Variants in CYP2U1 observed in about 807,000 individuals in gnomAD.
CYP2U1 encodes the protein cytochrome P450 family 2 subfamily U member 1.
A neutral mutation model predicts 42.8 loss-of-function variants in CYP2U1; 28 were observed. The observed-to-expected ratio is 0.65, with a 90% confidence interval of 0.48 to 0.90. The LOEUF (loss-of-function observed/expected upper bound fraction) is 0.90, where lower values mean the gene tolerates loss of function less well. Among genes scored for constraint, CYP2U1 ranks in the 40% least tolerant of loss-of-function variants. CYP2U1 has a pLI of 0.00. For missense variants in CYP2U1, 642 were observed against 693.8 expected, an observed-to-expected ratio of 0.93 and a Z score of 0.84; for synonymous variants, 296 against 278.9, an observed-to-expected ratio of 1.06 and a Z score of -0.61.
Position 107,952,292 on chromosome 4 carries a change from T to C in CYP2U1, c.*1869T>C, listed in dbSNP as rs1368029644. ...TAAAAAAATCACTGGACTTTTGTGT[T>C]TACCATTTAAAACAACCATTTTAAA... On this transcript the variant is annotated 3_prime_UTR_variant, in exon 5 of 5. Transcript: ENST00000332884. 2.0e-5 allele frequency: 3 copies of C among 152,234 alleles called. No homozygotes were observed. Among genetic ancestry groups the C allele is most frequent in the African/African-American group, 7.2e-5 (3 of 41,462 alleles). The allele number at this position is 152,234 out of a possible 1,614,324, so 9.4% of individuals were successfully genotyped here.
intron 1 of CYP2U1, among the ~76,000 whole-genome samples, chr4:107,943,375 C>A (rs1171969030): frequency 1.3e-5 from 2 of 152,180 alleles, no homozygotes; most frequent in African/African-American, 4.8e-5. Context: ...CTGAGGAAGT[C>A]CAATGGTAAA....
At chr4:107,933,537 A>C (rs1035938541) in intron 1 of CYP2U1, among the ~76,000 whole-genome samples, 2 of 152,156 alleles carry the variant, frequency 1.3e-5, no homozygotes, top group African/African-American at 2.4e-5. Context: ...AAATCCTTAG[A>C]TAATGTCTTA....
In CYP2U1 at chr4:107,932,074, C is replaced by G; in HGVS notation, c.431C>G (p.Ala144Gly). ...GTGCGCGAGGCGCTGGTGCAGCAGG[C>G]CGAGGTCTTCAGCGACCGCCCGCGG... is the stretch of plus-strand genomic sequence containing the variant. ...HSVREALVQQ[A>G]EVFSDRPRVP... Residue 144 changes from alanine to glycine, a missense_variant, in exon 1 of 5, where the codon GCC becomes GGC. Transcript: ENST00000332884. 6.3e-7 allele frequency: 1 copy of G among 1,594,018 alleles called. No homozygotes were observed. Among genetic ancestry groups the G allele is most frequent in the Non-Finnish European group, 8.5e-7 (1 of 1,171,224 alleles).
chr4:107,941,191 G>A (rs1203911788), intron 1 of CYP2U1: 1 of 151,960 alleles, frequency 6.6e-6, no homozygotes, highest in Non-Finnish European at 1.5e-5. Flanking sequence ...AAGCTTGAAT[G>A]TACCTAACAA....
chr4:107,949,366 C>A lies in CYP2U1; in HGVS notation c.1305C>A (p.Thr435=). The change falls in exon 4 of 5, where the codon ACC becomes ACA. Residue 435 remains threonine (T), a synonymous_variant. Transcript: ENST00000332884. ...TSENTVLQGY[T]IPKGTLILPN... ...TTGTTTTAGTGCTCCAAGGGTATAC[C>A]ATTCCTAAAGGCACATTGATCTTAC... 1.3e-6 allele frequency: 2 copies of A among 1,565,094 alleles called. No individual in the cohort carries two copies. Among genetic ancestry groups the A allele is most frequent in the South Asian group, 1.2e-5 (1 of 82,400 alleles).
At chr4:107,949,270 T>C (rs1733824149) in intron 3 of CYP2U1, 80 bp from the exon 4 acceptor site, 2 of 1,321,450 alleles carry the variant, frequency 1.5e-6, no homozygotes, top group Non-Finnish European at 2.0e-6. Flanking sequence ...AACTACATTT[T>C]TTTTTCAGAT....
intron 1 of CYP2U1, among the ~76,000 whole-genome samples, chr4:107,934,715 C>T (rs1733196797): frequency 6.6e-6 from 1 of 152,174 alleles, no homozygotes; most frequent in Non-Finnish European, 1.5e-5. Flanking sequence ...ACTCTAGACA[C>T]ACTAAGCTGA....
intron 1 of CYP2U1, chr4:107,937,356 G>A (rs2126193796): frequency 6.6e-6 from 1 of 152,264 alleles, no homozygotes; most frequent in South Asian, 2.1e-4. Context: ...CATTGAGACG[G>A]CCTGAATTCT....
rs1733930282 is a variant in CYP2U1, at chr4:107,952,078, G to A, written c.*1655G>A. Reference sequence around the variant, plus strand: ...AGGCTGAGCTCCTTGAGGTGAGGATGTTGTGCTGTTTGCCTCCCTCACAGT... The same window carrying A: ...AGGCTGAGCTCCTTGAGGTGAGGATATTGTGCTGTTTGCCTCCCTCACAGT... On this transcript the variant is annotated 3_prime_UTR_variant, in exon 5 of 5. Transcript: ENST00000332884. The A allele has an allele frequency of 6.6e-6, 1 of 152,312 alleles. No homozygotes were observed. The highest frequency in any genetic ancestry group is 2.1e-4 in the South Asian group (1 of 4,826). 9.4% of individuals were successfully genotyped at this position (152,312 alleles called of 1,614,324 possible).
At position 107,932,234 on chromosome 4, in the gene CYP2U1, C is replaced by T. The variant is rs1004097864; in HGVS notation, c.490+101C>T. 8 of 1,462,386 alleles carry T rather than the reference C, an allele frequency of 5.5e-6. No individual in the cohort carries two copies. The African/African-American group carries it at 9.8e-5, about 18-fold the overall frequency. The allele number at this position is 1,462,386 out of a possible 1,614,324, so 90.6% of individuals were successfully genotyped here. A position where few individuals can be genotyped will look rare whatever the true frequency, so the allele number is the denominator to read the frequency against. On this transcript the variant is annotated intron_variant, in intron 1 of 4. Transcript: ENST00000332884. ...TGTGCCCCTTCCGGCCGCCCGCGCC[C>T]CCAGGCTGCCTCACACCTGCATCCT...
At chr4:107,933,779 T>C (rs1733141461) in intron 1 of CYP2U1, among the ~76,000 whole-genome samples, 1 of 152,226 alleles carries the variant, frequency 6.6e-6, no homozygotes, top group South Asian at 2.1e-4. Context: ...TAATACCTAC[T>C]ACAATGTAAA....
chr4:107,932,139 C>T lies in CYP2U1; in HGVS notation c.490+6C>T, dbSNP rs147612190. 0.019 allele frequency: 31,155 copies of T among 1,600,114 alleles called. 354 individuals are homozygous for T. Among genetic ancestry groups the T allele is most frequent in the Middle Eastern group, 0.035 (207 of 5,966 alleles). Reference sequence around the variant, plus strand: ...CATCGTGACCAAGGAGAAGGGTGAGCGGGAGGTCGTGGGCTGTGGGTACGC... The same window carrying T: ...CATCGTGACCAAGGAGAAGGGTGAGTGGGAGGTCGTGGGCTGTGGGTACGC... On this transcript the variant is annotated splice_donor_region_variant and intron_variant, in intron 1 of 4. Coordinates refer to ENST00000332884, the MANE Select transcript of CYP2U1 (RefSeq NM_183075.3).
chr4:107,944,912 T>C, intron 1 of CYP2U1, 58 bp from the exon 2 acceptor site: 3 of 1,493,202 alleles, frequency 2.0e-6, no homozygotes, highest in Non-Finnish European at 2.7e-6. Flanking sequence ...GTGGTAGGTC[T>C]GTTCAGTGTT....
chr4:107,932,281 G>A, intron 1 of CYP2U1, 148 bp downstream of exon 1: 2 of 1,367,206 alleles, frequency 1.5e-6, no homozygotes, highest in Admixed American at 2.9e-5. Context: ...TGATGGTGGT[G>A]GCGGCGCTTC....
At chr4:107,943,711 A>G (rs1045724433) in intron 1 of CYP2U1, among the ~76,000 whole-genome samples, 2 of 152,230 alleles carry the variant, frequency 1.3e-5, no homozygotes, top group Admixed American at 6.5e-5. Flanking sequence ...ACATTAAAGA[A>G]TATGAGAAAA....
intron 1 of CYP2U1, chr4:107,936,297 A>G (rs2126192892): frequency 6.6e-6 from 1 of 152,390 alleles, no homozygotes; most frequent in Middle Eastern, 3.4e-3. Context: ...ATGTATTAGA[A>G]ACTTAATCCC....
Position 107,931,669 on chromosome 4 carries a change from C to A in CYP2U1, c.26C>A (p.Pro9Gln), listed in dbSNP as rs1310484872. MSSPGPSQ[P>Q]PAEDPPWPAR... is the part of the protein sequence containing the mutation. Reference sequence around the variant, plus strand: ...ATGTCGTCTCCGGGGCCGTCGCAGCCGCCGGCCGAGGACCCGCCCTGGCCC... The same window carrying A: ...ATGTCGTCTCCGGGGCCGTCGCAGCAGCCGGCCGAGGACCCGCCCTGGCCC... Residue 9 changes from proline (P) to glutamine (Q), a missense_variant, in exon 1 of 5, where the codon CCG becomes CAG. Transcript: ENST00000332884. The A allele has an allele frequency of 2.4e-6, 3 of 1,262,382 alleles. No homozygotes were observed. Among genetic ancestry groups the A allele is most frequent in the Non-Finnish European group, 2.0e-6 (2 of 1,008,408 alleles). 78.2% of individuals were successfully genotyped at this position (1,262,382 alleles called of 1,614,324 possible). A position where few individuals can be genotyped will look rare whatever the true frequency, so the allele number is the denominator to read the frequency against.
rs61746386 is a variant in CYP2U1 at position 107,945,293 on chromosome 4, A to C, written c.814A>C (p.Ile272Leu). The C allele has an allele frequency of 6.2e-7, 1 of 1,614,142 alleles. No homozygotes were observed. The highest frequency in any genetic ancestry group is 8.5e-7 in the Non-Finnish European group (1 of 1,180,028). ...GAACAGTCAAGTCCTCCTGGTCAAC[A>C]TATGCCCTTGGCTTTATTACCTTCC... Reference protein sequence around the residue: ...CLNSQVLLVNICPWLYYLPFG... With the variant: ...CLNSQVLLVNLCPWLYYLPFG... The change falls in exon 2 of 5, where the codon ATA becomes CTA. Residue 272 changes from isoleucine (I) to leucine (L), a missense_variant. Physicochemically the swap from Ile to Leu is conservative, Grantham distance 5. Transcript: ENST00000332884.
At chr4:107,933,096 T>C (rs557784260) in intron 1 of CYP2U1, among the ~76,000 whole-genome samples, 1 of 152,358 alleles carries the variant, frequency 6.6e-6, no homozygotes, top group East Asian at 1.9e-4. Flanking sequence ...ATCTAGGCTT[T>C]TCAGAATCTG....
Sources: gnomAD v4.1 joint callset for allele counts (sites outside exome capture counted in the v4.1 genomes callset) on GRCh38, gnomAD v4.1.1 for gene constraint, MANE v1.5 for transcripts, NCBI Gene and HGNC (gene_info 2026-07-23, HGNC 2026-07-21) for gene names.